The following SLC6A7 variants were observed in gnomAD, a reference collection of about 807,000 sequenced individuals.
SLC6A7 encodes the protein solute carrier family 6 member 7.
A neutral mutation model predicts 73.1 loss-of-function variants in SLC6A7; 58 were observed. The observed-to-expected ratio is 0.79, with a 90% CI of 0.64 to 0.99. The LOEUF is 0.99. Ranked by LOEUF, SLC6A7 falls within the 50% of genes least tolerant of loss-of-function variation. The pLI is 0.00. For synonymous variants in SLC6A7, 338 were observed against 338.7 expected (o/e 1.00, Z 0.02); for missense variants, 783 against 831.4 (o/e 0.94, Z 0.72).
At position 150,194,802 on chromosome 5, in the gene SLC6A7, C is replaced by G. The variant is rs1416090298; in HGVS notation, c.108C>G (p.His36Gln). 2.5e-6 allele frequency: 4 copies of G among 1,614,098 alleles called. No individual in the cohort carries two copies. The highest frequency in any genetic ancestry group is 3.4e-6 in the Non-Finnish European group (4 of 1,179,968). The change falls in exon 2 of 14, where the codon CAC (histidine) becomes CAG (glutamine). Residue 36 changes from histidine to glutamine, a missense_variant. Coordinates refer to ENST00000230671, the MANE Select transcript of SLC6A7 (RefSeq NM_014228.5). ...DVDLDVDFAA[H>Q]RGNWTGKLDF... ...ACCTGGATGTGGACTTTGCTGCACA[C>G]CGGGGGAACTGGACAGGCAAGCTGG...
rs1242442899 is a variant in SLC6A7, at chr5:150,190,236, G to T, written c.-92G>T. ...GCCCCAGCCGGTGCGCGGGAGCCGC[G>T]GGGGCAAAGGCGCAGTGGCCAGCGG... On this transcript the variant is annotated 5_prime_UTR_variant, in exon 1 of 14. Transcript: ENST00000230671. 10 of 1,112,674 alleles carry T rather than the reference G, an allele frequency of 9.0e-6. No individual in the cohort carries two copies. The Admixed American group carries it at 2.8e-4, about 31-fold the overall frequency. 68.9% of individuals were successfully genotyped at this position (1,112,674 alleles called of 1,614,324 possible). A position where few individuals can be genotyped will look rare whatever the true frequency, so the allele number is the denominator to read the frequency against.
chr5:150,196,690 C>T (rs755245109), intron 2 of SLC6A7, 26 bp from the exon 3 acceptor site: 1 of 1,605,852 alleles, frequency 6.2e-7, no homozygotes, highest in South Asian at 1.1e-5. Context: ...CCCCAAGGCC[C>T]TTGCTGACCA....
chr5:150,203,820 G>GGGGTGTGT lies in SLC6A7; in HGVS notation c.1200+42_1200+43insGGTGTGTG, dbSNP rs1554116763. ...GGCAGCAGGCACCCCGTGTGTGTGT[G>GGGGTGTGT]GTGTGTGTGTGTGTGTGTGTGTGTG... On this transcript the variant is annotated intron_variant, in intron 9 of 13. Coordinates refer to ENST00000230671, the MANE Select transcript of SLC6A7 (RefSeq NM_014228.5). 6 of 802,522 alleles carry GGGGTGTGT rather than the reference G, an allele frequency of 7.5e-6. No homozygotes were observed. In the African/African-American group the frequency reaches 1.2e-4, roughly 16 times the overall value. 49.7% of individuals were successfully genotyped at this position (802,522 alleles called of 1,614,324 possible).
At chr5:150,205,166 T>A (rs955137609) in intron 12 of SLC6A7, among the ~76,000 whole-genome samples, 2 of 152,210 alleles carry the variant, frequency 1.3e-5, no homozygotes, top group Non-Finnish European at 2.9e-5. Flanking sequence ...GGCCTCAGGA[T>A]TGGAGCCTTT....
At chr5:150,191,546 T>G (rs1034386517) in intron 1 of SLC6A7, among the ~76,000 whole-genome samples, 4 of 151,974 alleles carry the variant, frequency 2.6e-5, no homozygotes, top group African/African-American at 9.7e-5. Flanking sequence ...TTCTCCTGCC[T>G]CAGCCTCCCG....
At chr5:150,198,064 A>AAAG (rs1206343850) in intron 4 of SLC6A7, among the ~76,000 whole-genome samples, 2 of 84,020 alleles carry the variant, frequency 2.4e-5, no homozygotes, top group African/African-American at 1.2e-4. Context: ...AGAAAGAAAG[A>AAAG]AAGAAAGAAA....
chr5:150,203,820 GGTGT>G (rs35380195), intron 9 of SLC6A7, 41 bp downstream of exon 9: 9,843 of 797,870 alleles, frequency 0.012, 15 homozygotes, highest in East Asian at 0.026. Flanking sequence ...GTGTGTGTGT[GGTGT>G]GTGTGTGTGT....
intron 1 of SLC6A7, among the ~76,000 whole-genome samples, chr5:150,193,398 C>G (rs1169812649): frequency 1.3e-5 from 2 of 152,198 alleles, no homozygotes; most frequent in Admixed American, 1.3e-4. Flanking sequence ...CAGATCACGG[C>G]TTAAGTACCT....
chr5:150,194,702 A>T (rs1217461286), intron 1 of SLC6A7, 26 bp from the exon 2 acceptor site: 1 of 1,601,952 alleles, frequency 6.2e-7, no homozygotes, highest in African/African-American at 1.3e-5. Context: ...CTTCTCCCCA[A>T]CCTCTTTGGT....
intron 13 of SLC6A7, among the ~76,000 whole-genome samples, chr5:150,206,106 C>T (rs1282639893): frequency 1.3e-5 from 2 of 152,178 alleles, no homozygotes; most frequent in African/African-American, 4.8e-5. Context: ...AGAGAGAGTG[C>T]ACTCTGCCAC....
chr5:150,207,227 A>G (rs967724756), intron 13 of SLC6A7, among the ~76,000 whole-genome samples: 1 of 152,124 alleles, frequency 6.6e-6, no homozygotes, highest in South Asian at 2.1e-4. Context: ...GACAGTAAGC[A>G]TAGTATCCAA....
At chr5:150,195,101 G>T in intron 2 of SLC6A7, 190 bp downstream of exon 2, 1 of 546,366 alleles carries the variant, frequency 1.8e-6, no homozygotes, top group Non-Finnish European at 3.3e-6. Context: ...CATCACCCAA[G>T]CCCTTCCTTC....
chr5:150,197,336 G>C, intron 4 of SLC6A7, 60 bp downstream of exon 4: 1 of 1,143,566 alleles, frequency 8.7e-7, no homozygotes, highest in East Asian at 2.4e-5. Context: ...AGGGTGGCCA[G>C]AGGGCATCCC....
intron 10 of SLC6A7, 73 bp from the exon 11 acceptor site, chr5:150,204,459 C>T (rs1272170024): frequency 3.4e-6 from 4 of 1,193,404 alleles, no homozygotes; most frequent in Admixed American, 1.7e-5. Context: ...CTGCTCACTT[C>T]TTGCCAGGAG....
In SLC6A7 at chr5:150,202,323, C is replaced by T. The variant is rs546942957; in HGVS notation, c.859-24C>T. ...CTGTCCTTGACCATCCGCACACCCT[C>T]CCTTTCCATCCTTCCCGGCACAGGT... On this transcript the variant is annotated intron_variant, in intron 6 of 13. Coordinates refer to ENST00000230671, the MANE Select transcript of SLC6A7 (RefSeq NM_014228.5). 5.2e-6 allele frequency: 8 copies of T among 1,531,000 alleles called. No individual in the cohort carries two copies. In the Admixed American group the frequency reaches 1.0e-4, roughly 19 times the overall value. The allele number at this position is 1,531,000 out of a possible 1,614,324, so 94.8% of individuals were successfully genotyped here.
In SLC6A7 at chr5:150,204,837, G is replaced by A. The variant is rs572628375; in HGVS notation, c.1443G>A (p.Arg481=). The A allele has an allele frequency of 1.9e-6, 3 of 1,600,294 alleles. No homozygotes were observed. Among genetic ancestry groups the A allele is most frequent in the Admixed American group, 1.7e-5 (1 of 59,482 alleles). Residue 481 remains arginine, a synonymous_variant, in exon 12 of 14, where the codon AGG becomes AGA. Coordinates refer to ENST00000230671, the MANE Select transcript of SLC6A7 (RefSeq NM_014228.5). ...CCCTCCCCTGTGCAGGCATTCAGAG[G>A]TTCTGCCGAGACATCCACATGATGC... ...LAVTRVYGIQ[R]FCRDIHMMLG... is the part of the protein sequence containing the mutation.
Position 150,209,518 on chromosome 5 carries a change from TG to T in SLC6A7, c.1816del (p.Val606CysfsTer30). 1 of 1,614,180 alleles carries T rather than the reference TG, an allele frequency of 6.2e-7. No individual in the cohort carries two copies. The highest frequency in any genetic ancestry group is 8.5e-7 in the Non-Finnish European group (1 of 1,180,024). ...LAGSQSPKPL[M>X]VHMRKYGGIT... ...GGGAGCCAGTCACCAAAGCCACTGATGGTGCACATGCGCAAGTACGGGGGCA... is the reference window on the plus strand; with the variant it reads ...GGGAGCCAGTCACCAAAGCCACTGATGTGCACATGCGCAAGTACGGGGGCA... On this transcript the variant is annotated frameshift_variant, in exon 14 of 14. Coordinates refer to ENST00000230671, the MANE Select transcript of SLC6A7 (RefSeq NM_014228.5). LOFTEE classifies it high-confidence loss of function.
At chr5:150,206,046 G>A (rs1386012045) in intron 13 of SLC6A7, among the ~76,000 whole-genome samples, 1 of 152,206 alleles carries the variant, frequency 6.6e-6, no homozygotes, top group Non-Finnish European at 1.5e-5. Flanking sequence ...ATAGAATGAT[G>A]GTGTGAGCCC....
chr5:150,198,300 C>A (rs1753184937), intron 4 of SLC6A7, among the ~76,000 whole-genome samples: 2 of 150,994 alleles, frequency 1.3e-5, no homozygotes, highest in Admixed American at 1.3e-4. Context: ...ACCCTATAAC[C>A]CCCATCCCTT....
Sources: allele counts gnomAD v4.1 joint callset (sites outside exome capture counted in the v4.1 genomes callset), GRCh38; gene constraint gnomAD v4.1.1; transcripts MANE v1.5; gene names NCBI Gene and HGNC (gene_info 2026-07-23, HGNC 2026-07-21).